SIPA1L1: variants seen among roughly 807,000 people sequenced by gnomAD.
The protein encoded by SIPA1L1 is signal induced proliferation associated 1 like 1.
A neutral mutation model predicts 162.7 loss-of-function variants in SIPA1L1; 26 were observed. That is an observed-to-expected ratio of 0.16 (90% CI 0.12 to 0.22). The LOEUF is 0.22. Ranked by LOEUF, SIPA1L1 falls within the 10% of genes least tolerant of loss-of-function variation. The pLI is 1.00. For missense variants in SIPA1L1, 1,874 were observed against 2,241.0 expected, an observed-to-expected ratio of 0.84 and a Z score of 3.31; for synonymous variants, 829 against 837.4, an observed-to-expected ratio of 0.99 and a Z score of 0.17.
In SIPA1L1 at chr14:71,377,429, G is replaced by A. The variant is rs900862563; in HGVS notation, c.-465+56248G>A. Among the ~76,000 whole-genome samples the A allele has an allele frequency of 2.6e-5, 4 of 151,622 alleles. No individual in the cohort carries two copies. Among genetic ancestry groups the A allele is most frequent in the East Asian group, 3.9e-4 (2 of 5,158 alleles). The stretch of plus-strand genomic sequence containing the variant: ...TCACCTCCCAGACAGGGTGGCAGCC[G>A]GGTAGAGATGCTCCTCACTTCCCAG... On this transcript the variant is annotated intron_variant, in intron 2 of 23. Coordinates refer to ENST00000381232, the MANE Select transcript of SIPA1L1 (RefSeq NM_001386936.1). This position sits in a 1 kb window ranked among gnomAD's most constrained non-coding sequence, Gnocchi z 4.8.
At chr14:71,341,270 C>T (rs547581559) in intron 2 of SIPA1L1, among the ~76,000 whole-genome samples, 1 of 152,336 alleles carries the variant, frequency 6.6e-6, no homozygotes, top group South Asian at 2.1e-4. Flanking sequence ...GTAAGAACAT[C>T]TTCACGTTAC....
chr14:71,424,770 C>T (rs1356856833), intron 2 of SIPA1L1, among the ~76,000 whole-genome samples: 1 of 152,020 alleles, frequency 6.6e-6, no homozygotes, highest in Non-Finnish European at 1.5e-5. Flanking sequence ...TAGGGTAATA[C>T]TGGCATCAGA....
At chr14:71,439,474 T>G (rs1262931495) in intron 2 of SIPA1L1, among the ~76,000 whole-genome samples, 3 of 152,218 alleles carry the variant, frequency 2.0e-5, no homozygotes, top group African/African-American at 7.2e-5. Flanking sequence ...TCAAAATATA[T>G]TTTATGAGTC....
At chr14:71,390,987 T>A (rs879735747) in intron 2 of SIPA1L1, among the ~76,000 whole-genome samples, 2 of 152,144 alleles carry the variant, frequency 1.3e-5, no homozygotes, top group Non-Finnish European at 2.9e-5. Flanking sequence ...CATCTGACAT[T>A]TATTGAACCC....
intron 2 of SIPA1L1, among the ~76,000 whole-genome samples, chr14:71,383,952 T>G (rs913448969): frequency 6.6e-6 from 1 of 152,212 alleles, no homozygotes; most frequent in Non-Finnish European, 1.5e-5. Flanking sequence ...TTTGCTTGTT[T>G]ATTACCTATT....
At chr14:71,719,294 G>A (rs539748483) in intron 17 of SIPA1L1, among the ~76,000 whole-genome samples, 1 of 152,102 alleles carries the variant, frequency 6.6e-6, no homozygotes, top group African/African-American at 2.4e-5. Flanking sequence ...TGTTTCTTTT[G>A]AGTTTCTGGG....
intron 4 of SIPA1L1, among the ~76,000 whole-genome samples, chr14:71,549,702 C>G (rs889498733): frequency 2.6e-5 from 4 of 152,144 alleles, no homozygotes; most frequent in African/African-American, 9.7e-5. Flanking sequence ...TAAGTTGAAG[C>G]AAAGGTTGTT....
chr14:71,453,310 C>CTG (rs1032752960), intron 2 of SIPA1L1, among the ~76,000 whole-genome samples: 23 of 152,240 alleles, frequency 1.5e-4, no homozygotes, highest in Admixed American at 5.2e-4. Flanking sequence ...GCTGGCCAGG[C>CTG]TGTAGTGCAG....
chr14:71,545,743 G>A (rs1268101711), intron 4 of SIPA1L1, among the ~76,000 whole-genome samples: 1 of 152,168 alleles, frequency 6.6e-6, no homozygotes, highest in African/African-American at 2.4e-5. Context: ...AGTAGGAGTA[G>A]TGAAAATGGA....
intron 18 of SIPA1L1, among the ~76,000 whole-genome samples, 195 bp downstream of exon 18, chr14:71,724,081 G>T (rs1182405442): frequency 2.0e-5 from 3 of 152,116 alleles, no homozygotes; most frequent in Non-Finnish European, 2.9e-5. Flanking sequence ...CCTTAAATAA[G>T]ATTTATTGCA....
intron 4 of SIPA1L1, among the ~76,000 whole-genome samples, chr14:71,543,427 G>A (rs1350003107): frequency 2.6e-5 from 4 of 152,146 alleles, no homozygotes; most frequent in Non-Finnish European, 5.9e-5. Flanking sequence ...TTGGGTCATA[G>A]GATAGATGTA....
intron 2 of SIPA1L1, among the ~76,000 whole-genome samples, chr14:71,421,651 T>C (rs1379983331): frequency 6.6e-6 from 1 of 152,182 alleles, no homozygotes; most frequent in Non-Finnish European, 1.5e-5. Flanking sequence ...TAATGATATA[T>C]ATTATAACAA....
intron 2 of SIPA1L1, among the ~76,000 whole-genome samples, chr14:71,376,767 C>CT (rs892999506): frequency 2.0e-5 from 3 of 152,056 alleles, no homozygotes; most frequent in Non-Finnish European, 4.4e-5. Context: ...GGTGATGACT[C>CT]TTAACGAGCA....
At chr14:71,713,037 TACTC>T (rs1338082474) in intron 17 of SIPA1L1, among the ~76,000 whole-genome samples, 1 of 152,184 alleles carries the variant, frequency 6.6e-6, no homozygotes, top group African/African-American at 2.4e-5. Context: ...AATAGATTGA[TACTC>T]AATACATGCC....
Position 71,373,375 on chromosome 14 carries a change from G to A in SIPA1L1, c.-465+52194G>A, listed in dbSNP as rs923058087. On this transcript the variant is annotated intron_variant, in intron 2 of 23. Coordinates refer to ENST00000381232, the MANE Select transcript of SIPA1L1 (RefSeq NM_001386936.1). The stretch of plus-strand genomic sequence containing the variant: ...TGGTAGCTCACGCCTGTAATCCTAG[G>A]ACTTTGGGAGGCCGAGGTGGGCGGA... Among the ~76,000 whole-genome samples the A allele has an allele frequency of 2.0e-5, 3 of 150,780 alleles. No homozygotes were observed. In the East Asian group the frequency reaches 5.9e-4, roughly 30 times the overall value.
At chr14:71,631,072 C>T (rs978921651) in intron 7 of SIPA1L1, among the ~76,000 whole-genome samples, 1 of 152,088 alleles carries the variant, frequency 6.6e-6, no homozygotes, top group Non-Finnish European at 1.5e-5. Context: ...ACCTTGTGTC[C>T]ATGTGTTCTC....
intron 2 of SIPA1L1, among the ~76,000 whole-genome samples, chr14:71,477,646 T>G (rs2047987230): frequency 6.6e-6 from 1 of 152,244 alleles, no homozygotes; most frequent in Non-Finnish European, 1.5e-5. Context: ...ATATAATGCC[T>G]TGGAGGTTCA....
intron 4 of SIPA1L1, among the ~76,000 whole-genome samples, chr14:71,544,126 CG>C (rs1049274352): frequency 6.7e-6 from 1 of 150,094 alleles, no homozygotes; most frequent in African/African-American, 2.5e-5. Context: ...CATATATGCA[CG>C]TGTATGTATA....
rs148962985 is a variant in SIPA1L1 at position 71,382,287 on chromosome 14, A to G, written c.-465+61106A>G. 7.2e-5 allele frequency among the ~76,000 whole-genome samples: 11 copies of G among 152,334 alleles called. No individual in the cohort carries two copies. In the East Asian group the frequency reaches 1.3e-3, roughly 19 times the overall value. On this transcript the variant is annotated intron_variant, in intron 2 of 23. Coordinates refer to ENST00000381232, the MANE Select transcript of SIPA1L1 (RefSeq NM_001386936.1). ...TATGTAGTTTGGTGCTGATATTATT[A>G]TTGCATAAGCCAAGTGTTTGGGGTG...
Sources: gnomAD v4.1 joint callset for allele counts (sites outside exome capture counted in the v4.1 genomes callset) on GRCh38, gnomAD v4.1.1 for gene constraint, Gnocchi (gnomAD v3.1) non-coding constraint, MANE v1.5 for transcripts, NCBI Gene and HGNC (gene_info 2026-07-23, HGNC 2026-07-21) for gene names.